Variants in PCTP observed in about 807,000 individuals in gnomAD.
PCTP encodes phosphatidylcholine transfer protein.
In PCTP, 27 loss-of-function variants were observed where a neutral mutation model predicts 31.0. That is an observed-to-expected ratio of 0.87 (90% CI 0.64 to 1.20). The LOEUF is 1.20. Ranked by LOEUF, PCTP falls within the 50% of genes most tolerant of loss-of-function variation. The probability of loss-of-function intolerance (pLI) is 0.00; values close to 1 mark genes in which losing one functional copy is unlikely to be tolerated. For synonymous variants in PCTP, 108 were observed against 101.2 expected (o/e 1.07, Z -0.40); for missense variants, 287 against 268.2 (o/e 1.07, Z -0.49).
At chr17:55,789,301 T>A (rs1911868126) in intron 3 of PCTP, among the ~76,000 whole-genome samples, 1 of 152,196 alleles carries the variant, frequency 6.6e-6, no homozygotes, top group Non-Finnish European at 1.5e-5. Context: ...ATCCTTAATG[T>A]GTTATTGGAT....
intron 5 of PCTP, among the ~76,000 whole-genome samples, chr17:55,837,423 A>C (rs1292143868): frequency 1.3e-5 from 2 of 152,092 alleles, no homozygotes; most frequent in African/African-American, 2.4e-5. Flanking sequence ...GGTACCTATA[A>C]TGGTACTTGC....
downstream of PCTP, among the ~76,000 whole-genome samples, chr17:55,844,272 G>C (rs1202028686): frequency 6.6e-6 from 1 of 152,194 alleles, no homozygotes; most frequent in African/African-American, 2.4e-5. Context: ...GGTGGAATCT[G>C]TGTAATTATA....
At chr17:55,844,980 G>T (rs1369785681), downstream of PCTP, among the ~76,000 whole-genome samples, 1 of 150,152 alleles carries the variant, frequency 6.7e-6, no homozygotes, top group African/African-American at 2.5e-5. Flanking sequence ...CCAGCTACTC[G>T]GGAGGCTGAG....
chr17:55,803,134 G>T (rs1912445834), intron 3 of PCTP, among the ~76,000 whole-genome samples: 2 of 151,984 alleles, frequency 1.3e-5, no homozygotes, highest in African/African-American at 4.8e-5. Flanking sequence ...ATAAAATACT[G>T]AGGAATACAA....
chr17:55,826,262 G>A (rs773705399), downstream of PCTP, among the ~76,000 whole-genome samples: 2 of 152,122 alleles, frequency 1.3e-5, no homozygotes, highest in Non-Finnish European at 2.9e-5. Flanking sequence ...GCCTCCTCTG[G>A]AGCAGGTACA....
intron 1 of PCTP, among the ~76,000 whole-genome samples, chr17:55,764,321 A>G (rs549842511): frequency 6.6e-6 from 1 of 152,322 alleles, no homozygotes; most frequent in East Asian, 1.9e-4. Context: ...TCCAAAGCCT[A>G]TGATGAAAAC....
intron 3 of PCTP, among the ~76,000 whole-genome samples, chr17:55,807,921 C>A (rs1284023146): frequency 6.6e-6 from 1 of 151,946 alleles, no homozygotes; most frequent in East Asian, 1.9e-4. Context: ...TTATTATAAC[C>A]CTCTAAAATT....
chr17:55,787,037 G>A (rs956346411), intron 2 of PCTP, among the ~76,000 whole-genome samples: 22 of 151,958 alleles, frequency 1.4e-4, no homozygotes, highest in Admixed American at 1.4e-3. Context: ...ATGTGTGTGT[G>A]TGTGTGTGTG....
At chr17:55,834,714 C>T (rs1389090415) in intron 5 of PCTP, among the ~76,000 whole-genome samples, 1 of 151,764 alleles carries the variant, frequency 6.6e-6, no homozygotes, top group African/African-American at 2.4e-5. Context: ...CAGCTTGGAT[C>T]TTGGATAAGA....
the PCTP span, among the ~76,000 whole-genome samples, chr17:55,849,992 T>C: frequency 6.6e-6 from 1 of 152,136 alleles, no homozygotes; most frequent in Non-Finnish European, 1.5e-5. Context: ...AGTTTATATA[T>C]AAACAGTTTA....
At chr17:55,774,324 C>G (rs1472727881) in intron 4 of PCTP, among the ~76,000 whole-genome samples, 1 of 152,114 alleles carries the variant, frequency 6.6e-6, no homozygotes, top group Non-Finnish European at 1.5e-5. Context: ...AGTTTCAGCC[C>G]CCAGGGAGGA....
chr17:55,821,841 C>G (rs531158327), intron 3 of PCTP, among the ~76,000 whole-genome samples: 4 of 152,234 alleles, frequency 2.6e-5, no homozygotes, highest in South Asian at 2.1e-4. Context: ...CTGGGGTGTT[C>G]ACAATAGTGA....
intron 5 of PCTP, among the ~76,000 whole-genome samples, chr17:55,838,626 T>C (rs1905853907): frequency 6.6e-6 from 1 of 152,190 alleles, no homozygotes; most frequent in African/African-American, 2.4e-5. Flanking sequence ...AGACCTTCCA[T>C]GATATTTATT....
chr17:55,774,928 G>C (rs550638983), intron 5 of PCTP, 69 bp downstream of exon 5: 2 of 1,480,664 alleles, frequency 1.4e-6, no homozygotes, highest in African/African-American at 2.8e-5. Context: ...GACTTAGCCC[G>C]CGGGGCTGTC....
At chr17:55,845,798 C>T (rs1330151406), downstream of PCTP, among the ~76,000 whole-genome samples, 2 of 152,000 alleles carry the variant, frequency 1.3e-5, no homozygotes, top group Non-Finnish European at 2.9e-5. Context: ...AGCAACACCC[C>T]CTCCCCCCAT....
At chr17:55,819,062 C>T (rs990402297) in intron 3 of PCTP, among the ~76,000 whole-genome samples, 30 of 85,122 alleles carry the variant, frequency 3.5e-4, no homozygotes, top group African/African-American at 1.1e-3. Flanking sequence ...AGAGGAAAAA[C>T]GGGAAAAAGA....
chr17:55,754,986 G>T (rs1909934645), intron 1 of PCTP, among the ~76,000 whole-genome samples: 1 of 152,080 alleles, frequency 6.6e-6, no homozygotes, highest in Non-Finnish European at 1.5e-5. Context: ...ACATATGTAT[G>T]TATATGTATA....
At chr17:55,779,508 C>T (rs373080573), downstream of PCTP, among the ~76,000 whole-genome samples, 4 of 152,010 alleles carry the variant, frequency 2.6e-5, no homozygotes, top group East Asian at 3.9e-4. Context: ...GTGGCTGGAG[C>T]GCTGACATGA....
At chr17:55,847,714 A>G (rs541956239), downstream of PCTP, among the ~76,000 whole-genome samples, 1 of 152,236 alleles carries the variant, frequency 6.6e-6, no homozygotes, top group East Asian at 1.9e-4. Context: ...GAGTCCAAAG[A>G]CTAATGTCTC....
Sources: allele counts gnomAD v4.1 joint callset (sites outside exome capture counted in the v4.1 genomes callset), GRCh38; gene constraint gnomAD v4.1.1; transcripts MANE v1.5; gene names NCBI Gene and HGNC (gene_info 2026-07-23, HGNC 2026-07-21).